STX8: variants seen among roughly 807,000 people sequenced by gnomAD.
The protein encoded by STX8 is syntaxin 8.
In STX8, 23 loss-of-function variants were observed where a neutral mutation model predicts 37.5. The ratio of observed to expected loss-of-function variants is 0.61; its 90% confidence interval spans 0.44 to 0.87. STX8 has a LOEUF of 0.87. Ranked by LOEUF, STX8 falls within the 40% of genes least tolerant of loss-of-function variation. The probability of loss-of-function intolerance (pLI) is 0.00; values close to 1 mark genes in which losing one functional copy is unlikely to be tolerated. For synonymous variants in STX8, 115 were observed against 99.1 expected, an observed-to-expected ratio of 1.16 and a Z score of -0.95; for missense variants, 313 against 284.7, an observed-to-expected ratio of 1.10 and a Z score of -0.71.
At chr17:9,503,510 TCTCCTC>T (rs900763768) in intron 5 of STX8, among the ~76,000 whole-genome samples, 1 of 152,114 alleles carries the variant, frequency 6.6e-6, no homozygotes, top group African/African-American at 2.4e-5. Flanking sequence ...AGATTTATTT[TCTCCTC>T]CTCCTCCTCC....
chr17:9,508,023 C>T (rs1904900756), intron 4 of STX8, among the ~76,000 whole-genome samples: 1 of 152,068 alleles, frequency 6.6e-6, no homozygotes, highest in African/African-American at 2.4e-5. Flanking sequence ...CATGAAAAAG[C>T]AAGGAAACAT....
At position 9,522,580 on chromosome 17, in the gene STX8, C is replaced by T. The variant is rs772278274; in HGVS notation, c.324-17418G>A. On this transcript the variant is annotated intron_variant, in intron 4 of 7. Coordinates refer to ENST00000306357, the MANE Select transcript of STX8 (RefSeq NM_004853.3). ...AAAAAAAAATTATCTGGGCATGTGG[C>T]GGGTGCCTGTAGTCCCAGCTACTCA... 1.8e-3 allele frequency among the ~76,000 whole-genome samples: 262 copies of T among 148,230 alleles called. 3 individuals are homozygous for T. The highest frequency in any genetic ancestry group is 2.9e-3 in the Non-Finnish European group (195 of 67,450).
At position 9,333,624 on chromosome 17, in the gene STX8, T is replaced by A. The variant is rs373284437; in HGVS notation, c.643+44928A>T. ...CAGGATGGTCTGGATCTCCTGACCT[T>A]GTGATCCGCCCGCCTTGGCCTCCCA... On this transcript the variant is annotated intron_variant, in intron 7 of 7. Coordinates refer to ENST00000306357, the MANE Select transcript of STX8 (RefSeq NM_004853.3). Among the ~76,000 whole-genome samples the A allele has an allele frequency of 3.3e-5, 5 of 152,166 alleles. No homozygotes were observed. In the South Asian group the frequency reaches 1.0e-3, roughly 32 times the overall value.
intron 6 of STX8, among the ~76,000 whole-genome samples, chr17:9,488,815 A>AGTGTGTGT (rs1293010664): frequency 1.5e-4 from 15 of 97,808 alleles, no homozygotes; most frequent in African/African-American, 5.9e-4. Flanking sequence ...AGAGAGAGAG[A>AGTGTGTGT]GAGAGAGTGT....
intron 6 of STX8, among the ~76,000 whole-genome samples, chr17:9,462,492 T>G (rs1302765037): frequency 6.6e-6 from 1 of 151,838 alleles, no homozygotes; most frequent in Admixed American, 6.6e-5. Flanking sequence ...GAGGCCGAGG[T>G]GGGAGGATCA....
chr17:9,388,167 G>T (rs973147909), intron 6 of STX8, among the ~76,000 whole-genome samples: 1 of 151,020 alleles, frequency 6.6e-6, no homozygotes, highest in Non-Finnish European at 1.5e-5. Flanking sequence ...CGCCTCCCAG[G>T]TTCAAGTGAT....
chr17:9,251,128 C>T (rs781560495), intron 7 of STX8, among the ~76,000 whole-genome samples: 22 of 152,224 alleles, frequency 1.4e-4, no homozygotes, highest in Middle Eastern at 3.2e-3. Flanking sequence ...AAAATATTCA[C>T]CGATAGAGGT....
At chr17:9,444,484 T>C (rs916072622) in intron 6 of STX8, among the ~76,000 whole-genome samples, 5 of 152,170 alleles carry the variant, frequency 3.3e-5, no homozygotes, top group Admixed American at 2.0e-4. Context: ...CCTTCCTTAA[T>C]TAATAATAAT....
intron 6 of STX8, among the ~76,000 whole-genome samples, chr17:9,399,305 G>T (rs924134595): frequency 6.6e-6 from 1 of 152,132 alleles, no homozygotes; most frequent in Non-Finnish European, 1.5e-5. Context: ...TTCCCGAGTG[G>T]CTCCTATGAG....
chr17:9,560,976 T>C (rs941413956), intron 2 of STX8, among the ~76,000 whole-genome samples: 2 of 152,178 alleles, frequency 1.3e-5, no homozygotes, highest in African/African-American at 4.8e-5. Context: ...GAATTAAATA[T>C]GAACTATTTC....
intron 7 of STX8, among the ~76,000 whole-genome samples, chr17:9,327,450 T>C (rs929858875): frequency 6.6e-6 from 1 of 152,086 alleles, no homozygotes; most frequent in Non-Finnish European, 1.5e-5. Flanking sequence ...ACTGTCTATT[T>C]CTATGCTTAG....
intron 7 of STX8, among the ~76,000 whole-genome samples, chr17:9,304,824 C>G (rs1478771097): frequency 6.6e-6 from 1 of 151,504 alleles, no homozygotes; most frequent in Non-Finnish European, 1.5e-5. Context: ...ACTCTGGGAA[C>G]CATCCTTTAG....
chr17:9,509,495 C>T lies in STX8; in HGVS notation c.324-4333G>A, dbSNP rs893167986. The stretch of plus-strand genomic sequence containing the variant: ...AAAATCTTTCACAGACAAGCAAAAA[C>T]GAAGGTAATCCATCACCACTAGACC... On this transcript the variant is annotated intron_variant, in intron 4 of 7. Transcript: ENST00000306357. Among the ~76,000 whole-genome samples, 4 of 152,008 alleles carry T rather than the reference C, an allele frequency of 2.6e-5. No homozygotes were observed. The South Asian group carries it at 8.3e-4, about 32-fold the overall frequency.
intron 6 of STX8, among the ~76,000 whole-genome samples, chr17:9,416,325 C>T (rs1429815500): frequency 6.6e-6 from 1 of 152,036 alleles, no homozygotes; most frequent in Non-Finnish European, 1.5e-5. Flanking sequence ...TTTGCTCAGT[C>T]CTGGACACAG....
intron 7 of STX8, among the ~76,000 whole-genome samples, chr17:9,371,876 T>C (rs528526247): frequency 8.5e-5 from 13 of 152,328 alleles, no homozygotes; most frequent in Middle Eastern, 6.8e-3. Context: ...CAACGTCTGA[T>C]AATTCTACTA....
At chr17:9,268,351 C>G (rs946649438) in intron 7 of STX8, among the ~76,000 whole-genome samples, 17 of 151,844 alleles carry the variant, frequency 1.1e-4, no homozygotes, top group Admixed American at 1.1e-3. Context: ...GGAAAAGGAG[C>G]CTCTTACCAA....
intron 6 of STX8, chr17:9,464,859 A>AT (rs1905543441): frequency 1.3e-5 from 2 of 151,536 alleles, no homozygotes; most frequent in Non-Finnish European, 2.9e-5. Flanking sequence ...AGTAGCTGGG[A>AT]TTACAGGCAC....
intron 6 of STX8, among the ~76,000 whole-genome samples, chr17:9,402,063 G>C (rs1394463382): frequency 2.6e-5 from 4 of 151,848 alleles, no homozygotes; most frequent in African/African-American, 9.7e-5. Context: ...TTGATTTTCT[G>C]ATTATATGTA....
chr17:9,283,968 A>G (rs1907986101), intron 7 of STX8, among the ~76,000 whole-genome samples: 1 of 152,202 alleles, frequency 6.6e-6, no homozygotes, highest in Admixed American at 6.5e-5. Context: ...GATTTTTGAG[A>G]ATACTGAAGC....
Sources: gnomAD v4.1 joint callset for allele counts (sites outside exome capture counted in the v4.1 genomes callset) on GRCh38, gnomAD v4.1.1 for gene constraint, MANE v1.5 for transcripts, NCBI Gene and HGNC (gene_info 2026-07-23, HGNC 2026-07-21) for gene names.